NDRG1: variants seen among roughly 807,000 people sequenced by gnomAD.
The protein encoded by NDRG1 is protein NDRG1.
In NDRG1, 32 loss-of-function variants were observed where a neutral mutation model predicts 56.9. That is an observed-to-expected ratio of 0.56 (90% CI 0.42 to 0.76). The LOEUF (loss-of-function observed/expected upper bound fraction) is 0.76, where lower values mean the gene tolerates loss of function less well. NDRG1 is among the 30% of genes least tolerant of loss of function. The probability of loss-of-function intolerance (pLI) is 0.00; values close to 1 mark genes in which losing one functional copy is unlikely to be tolerated. For synonymous variants in NDRG1, 211 were observed against 204.1 expected (o/e 1.03, Z -0.29); for missense variants, 507 against 545.7 (o/e 0.93, Z 0.71).
chr8:133,259,321 G>T, intron 5 of NDRG1, 91 bp from the exon 6 acceptor site: 1 of 1,344,330 alleles, frequency 7.4e-7, no homozygotes. Flanking sequence ...GGACCATGCA[G>T]CAGCCTGCCC....
At chr8:133,243,077 T>C (rs1057503277) in intron 14 of NDRG1, among the ~76,000 whole-genome samples, 2 of 152,212 alleles carry the variant, frequency 1.3e-5, no homozygotes, top group Admixed American at 6.5e-5. Context: ...AACTGTTCTA[T>C]CCAGTGCCCT....
At chr8:133,249,997 C>T (rs1012062832) in intron 10 of NDRG1, among the ~76,000 whole-genome samples, 1 of 152,168 alleles carries the variant, frequency 6.6e-6, no homozygotes, top group Non-Finnish European at 1.5e-5. Context: ...AGGGCCACGC[C>T]TTAGGCAAAG....
intron 3 of NDRG1, among the ~76,000 whole-genome samples, chr8:133,266,565 G>A (rs576654935): frequency 5.8e-4 from 89 of 152,308 alleles, no homozygotes; most frequent in Non-Finnish European, 1.0e-3. Context: ...AAGGCCCAGA[G>A]AATGTAGGCT....
chr8:133,247,228 T>C (rs540858230), intron 12 of NDRG1, among the ~76,000 whole-genome samples: 20 of 152,308 alleles, frequency 1.3e-4, no homozygotes, highest in Non-Finnish European at 2.4e-4. Context: ...ATGTATCCCA[T>C]GATTATCTCC....
chr8:133,248,184 G>A (rs1586416418), intron 11 of NDRG1, among the ~76,000 whole-genome samples: 1 of 152,320 alleles, frequency 6.6e-6, no homozygotes. Flanking sequence ...CCTCAAGGAT[G>A]GTTAAGCAGG....
intron 2 of NDRG1, among the ~76,000 whole-genome samples, 157 bp from the exon 3 acceptor site, chr8:133,280,424 T>C (rs1253984749): frequency 6.8e-6 from 1 of 146,218 alleles, no homozygotes; most frequent in East Asian, 1.9e-4. Flanking sequence ...TTTCCTTTTC[T>C]CTTTTTTTTT....
At chr8:133,264,361 C>T (rs1214242777) in intron 4 of NDRG1, among the ~76,000 whole-genome samples, 186 bp downstream of exon 4, 2 of 152,264 alleles carry the variant, frequency 1.3e-5, no homozygotes, top group African/African-American at 2.4e-5. Context: ...ACAGACAACT[C>T]CGTGCCCACA....
Position 133,238,803 on chromosome 8 carries a change from G to A in NDRG1, c.*75C>T. ...CGAGTTAGGCGCAGTATGGCAGGCA[G>A]GGGGCGAAAAGGGGCCGGGGAGGAG... On this transcript the variant is annotated 3_prime_UTR_variant, in exon 16 of 16. Transcript: ENST00000323851. The A allele has an allele frequency of 6.8e-7, 1 of 1,476,048 alleles. No homozygotes were observed. The highest frequency in any genetic ancestry group is 9.1e-7 in the Non-Finnish European group (1 of 1,104,436). The allele number at this position is 1,476,048 out of a possible 1,614,324, so 91.4% of individuals were successfully genotyped here.
intron 3 of NDRG1, among the ~76,000 whole-genome samples, chr8:133,265,355 C>T (rs867183544): frequency 7.2e-5 from 11 of 152,170 alleles, no homozygotes; most frequent in South Asian, 2.1e-4. Flanking sequence ...ACATTGTCAC[C>T]GTGAGGCAAG....
At chr8:133,279,665 T>G (rs528674646) in intron 3 of NDRG1, among the ~76,000 whole-genome samples, 1 of 152,182 alleles carries the variant, frequency 6.6e-6, no homozygotes. Context: ...CCACCCCAGC[T>G]TGGGGCTAAC....
rs1855112586 is a variant in NDRG1, at chr8:133,237,397, C to T, written c.*1481G>A. ...CTGGAAGGCTGGACTACTTCCTCCT[C>T]CCAACTGCGGGGTCCCAGAAATCCT... On this transcript the variant is annotated 3_prime_UTR_variant, in exon 16 of 16. Coordinates refer to ENST00000323851, the MANE Select transcript of NDRG1 (RefSeq NM_006096.4). 1 of 232,202 alleles carries T rather than the reference C, an allele frequency of 4.3e-6. No individual in the cohort carries two copies. Among genetic ancestry groups the T allele is most frequent in the Non-Finnish European group, 8.5e-6 (1 of 117,456 alleles). 14.4% of individuals were successfully genotyped at this position (232,202 alleles called of 1,614,324 possible).
Position 133,238,778 on chromosome 8 carries a change from C to A in NDRG1, c.*100G>T. On this transcript the variant is annotated 3_prime_UTR_variant, in exon 16 of 16. Coordinates refer to ENST00000323851, the MANE Select transcript of NDRG1 (RefSeq NM_006096.4). ...TACAAAATAAGCTTTGGATTAATACCGAGTTAGGCGCAGTATGGCAGGCAG... is the reference window on the plus strand; with the variant it reads ...TACAAAATAAGCTTTGGATTAATACAGAGTTAGGCGCAGTATGGCAGGCAG... 1 of 1,335,256 alleles carries A rather than the reference C, an allele frequency of 7.5e-7. No homozygotes were observed. Among genetic ancestry groups the A allele is most frequent in the Non-Finnish European group, 1.0e-6 (1 of 991,856 alleles). 82.7% of individuals were successfully genotyped at this position (1,335,256 alleles called of 1,614,324 possible).
chr8:133,268,557 G>C (rs1157959693), intron 3 of NDRG1, among the ~76,000 whole-genome samples: 2 of 152,320 alleles, frequency 1.3e-5, no homozygotes, highest in African/African-American at 4.8e-5. Context: ...GGTGAGCAGA[G>C]GTGAGGGAGA....
rs2929984 is a variant in NDRG1, at chr8:133,258,644, G to A, written c.390-218C>T. Among the ~76,000 whole-genome samples, 35,660 of 152,108 alleles carry A rather than the reference G, an allele frequency of 0.23. 4,449 individuals are homozygous for A. Among genetic ancestry groups the A allele is most frequent in the East Asian group, 0.52 (2,670 of 5,162 alleles). ...CCTTCTCCTCACTTCCCTCCTGGCC[G>A]CCACCCAGGCTCTGAGAGACCGTCT... On this transcript the variant is annotated intron_variant, in intron 6 of 15. Transcript: ENST00000323851.
intron 1 of NDRG1, among the ~76,000 whole-genome samples, chr8:133,294,359 G>C (rs1858611870): frequency 6.6e-6 from 1 of 152,224 alleles, no homozygotes; most frequent in African/African-American, 2.4e-5. Flanking sequence ...GATGGAGGGA[G>C]ACAGTGGCTG....
Position 133,251,051 on chromosome 8 carries a change from C to G in NDRG1, c.595-508G>C, listed in dbSNP as rs186104683. Among the ~76,000 whole-genome samples, 21 of 152,226 alleles carry G rather than the reference C, an allele frequency of 1.4e-4. 1 individual carries two copies. Among genetic ancestry groups the G allele is most frequent in the African/African-American group, 4.8e-4 (20 of 41,534 alleles). The stretch of plus-strand genomic sequence containing the variant: ...AGTAATTGTTTTCCAATGGGAAGAG[C>G]TGAAAAGAAGTTTTTCATGCTTGAA... On this transcript the variant is annotated intron_variant, in intron 9 of 15. Transcript: ENST00000323851.
At position 133,284,119 on chromosome 8, in the gene NDRG1, G is replaced by C. The variant is rs1462551737; in HGVS notation, c.63+130C>G. ...TGTGCAGCATGTTTGTATGCCGTGT[G>C]TATGCTGTATACATGTGTATTTGTG... On this transcript the variant is annotated intron_variant, in intron 2 of 15. Coordinates refer to ENST00000323851, the MANE Select transcript of NDRG1 (RefSeq NM_006096.4). 4 of 811,936 alleles carry C rather than the reference G, an allele frequency of 4.9e-6. No individual in the cohort carries two copies. The Admixed American group carries it at 7.8e-5, about 16-fold the overall frequency. 50.3% of individuals were successfully genotyped at this position (811,936 alleles called of 1,614,324 possible).
At chr8:133,296,159 C>T (rs1050582875) in intron 1 of NDRG1, among the ~76,000 whole-genome samples, 1 of 152,066 alleles carries the variant, frequency 6.6e-6, no homozygotes, top group Non-Finnish European at 1.5e-5. Flanking sequence ...GAGGCTGAAT[C>T]AGAGACCGCG....
In NDRG1 at chr8:133,237,273, C is replaced by G. The variant is rs1046505998; in HGVS notation, c.*1605G>C. 8.7e-6 allele frequency: 2 copies of G among 230,826 alleles called. No homozygotes were observed. Among genetic ancestry groups the G allele is most frequent in the African/African-American group, 2.2e-5 (1 of 45,186 alleles). 14.3% of individuals were successfully genotyped at this position (230,826 alleles called of 1,614,324 possible). On this transcript the variant is annotated 3_prime_UTR_variant, in exon 16 of 16. Coordinates refer to ENST00000323851, the MANE Select transcript of NDRG1 (RefSeq NM_006096.4). ...TGCACAATAGTTTCCCATCCGTACT[C>G]AGCCTCTCTTGCCCCGATCCCCGAC...
Sources: allele counts gnomAD v4.1 joint callset (sites outside exome capture counted in the v4.1 genomes callset), GRCh38; gene constraint gnomAD v4.1.1; transcripts MANE v1.5; gene names NCBI Gene and HGNC (gene_info 2026-07-23, HGNC 2026-07-21).